ATRN: variants seen among roughly 807,000 people sequenced by gnomAD.
ATRN encodes the protein attractin.
A neutral mutation model predicts 178.7 loss-of-function variants in ATRN; 54 were observed. That is an observed-to-expected ratio of 0.30 (90% CI 0.24 to 0.38). The LOEUF (loss-of-function observed/expected upper bound fraction) is 0.38. Ranked by LOEUF, ATRN falls within the 10% of genes least tolerant of loss-of-function variation. The probability of loss-of-function intolerance (pLI) is 1.00; values close to 1 mark genes in which losing one functional copy is unlikely to be tolerated. For synonymous variants in ATRN, 636 were observed against 663.0 expected (o/e 0.96, Z 0.63); for missense variants, 1,443 against 1,815.1 (o/e 0.79, Z 3.73).
chr20:3,598,818 T>C (rs2086567072), intron 22 of ATRN, among the ~76,000 whole-genome samples: 1 of 152,244 alleles, frequency 6.6e-6, no homozygotes, highest in Non-Finnish European at 1.5e-5. Flanking sequence ...GGAGATTTCT[T>C]ACTTCTCATG....
chr20:3,636,947 G>A (rs1423109502), intron 26 of ATRN, among the ~76,000 whole-genome samples: 1 of 152,204 alleles, frequency 6.6e-6, no homozygotes, highest in Non-Finnish European at 1.5e-5. Context: ...TTAAAACAAT[G>A]TAGTAGAGAT....
In ATRN at chr20:3,649,514, T is replaced by G. The variant is rs907244958; in HGVS notation, c.*2667T>G. The G allele has an allele frequency of 2.6e-5, 4 of 152,254 alleles. No individual in the cohort carries two copies. The highest frequency in any genetic ancestry group is 9.7e-5 in the African/African-American group (4 of 41,448). 9.4% of individuals were successfully genotyped at this position (152,254 alleles called of 1,614,324 possible). A position where few individuals can be genotyped will look rare whatever the true frequency, so the allele number is the denominator to read the frequency against. On this transcript the variant is annotated 3_prime_UTR_variant, in exon 29 of 29. Coordinates refer to ENST00000262919, the MANE Select transcript of ATRN (RefSeq NM_139321.3). ...ATCCCCATTGTGTGATGTGTTCAGA[T>G]GCATCTGGCACCAATTAGGTATTTC...
intron 1 of ATRN, among the ~76,000 whole-genome samples, chr20:3,535,045 A>G (rs555147409): frequency 7.4e-4 from 112 of 152,228 alleles, no homozygotes; most frequent in African/African-American, 2.6e-3. Context: ...AATGTATGCA[A>G]TAAGTATTTG....
intron 1 of ATRN, among the ~76,000 whole-genome samples, chr20:3,505,452 A>G (rs1025045509): frequency 6.6e-5 from 10 of 152,152 alleles, no homozygotes; most frequent in African/African-American, 2.4e-4. Context: ...CTGTCGTGGG[A>G]CTTCTCAGCT....
rs2146196209 is a variant in ATRN, at chr20:3,544,049, T to C, written c.609-1713T>C. Among the ~76,000 whole-genome samples, 3 of 152,280 alleles carry C rather than the reference T, an allele frequency of 2.0e-5. No individual in the cohort carries two copies. In the South Asian group the frequency reaches 6.2e-4, roughly 32 times the overall value. ...TCTAGCTAGACCTTGGGTGAGACCT[T>C]GTCTCAAAACAAAGCAAAACAAAAG... On this transcript the variant is annotated intron_variant, in intron 3 of 28. Coordinates refer to ENST00000262919, the MANE Select transcript of ATRN (RefSeq NM_139321.3).
At chr20:3,537,422 G>C (rs530293632) in intron 2 of ATRN, among the ~76,000 whole-genome samples, 1 of 151,764 alleles carries the variant, frequency 6.6e-6, no homozygotes, top group African/African-American at 2.4e-5. Flanking sequence ...AGTTGCAAAA[G>C]TGGTTTTCAT....
At chr20:3,561,409 G>A (rs2085951503) in intron 8 of ATRN, among the ~76,000 whole-genome samples, 3 of 152,166 alleles carry the variant, frequency 2.0e-5, no homozygotes, top group Admixed American at 2.0e-4. Context: ...ATGCTCCTAT[G>A]TAGTATGTAT....
At chr20:3,621,966 A>G (rs2086900488) in intron 24 of ATRN, among the ~76,000 whole-genome samples, 1 of 152,246 alleles carries the variant, frequency 6.6e-6, no homozygotes, top group African/African-American at 2.4e-5. Flanking sequence ...CAATTAATGT[A>G]TCAGTGGCTG....
In ATRN at chr20:3,578,683, C is replaced by G. The variant is rs1482094519; in HGVS notation, c.2455C>G (p.His819Asp). The G allele has an allele frequency of 1.2e-6, 2 of 1,614,006 alleles. No homozygotes were observed. The highest frequency in any genetic ancestry group is 1.6e-4 in the Middle Eastern group (1 of 6,062). Residue 819 changes from histidine to aspartate, a missense_variant, in exon 15 of 29, where the codon CAC (histidine) becomes GAC (aspartate). Physicochemically the swap from His to Asp is moderately conservative, Grantham distance 81. Around this residue, in one of 4 missense-constraint regions of ATRN, gnomAD observed 212 missense variants for 330.7 expected, o/e 0.64. Coordinates refer to ENST00000262919, the MANE Select transcript of ATRN (RefSeq NM_139321.3). ...YDNAKLFCRN[H>D]NALLASLTTQ... is the part of the protein sequence containing the mutation. ...CAATGCTAAATTGTTCTGTAGGAAC[C>G]ACAATGCCCTTTTGGCTTCTCTTAC...
chr20:3,604,889 A>T (rs1457423910), intron 24 of ATRN, among the ~76,000 whole-genome samples: 2 of 152,130 alleles, frequency 1.3e-5, no homozygotes, highest in Non-Finnish European at 2.9e-5. Context: ...CTCTGTTCCC[A>T]GGGGGCCAGT....
rs2084415343 is a variant in ATRN, at chr20:3,471,257, GCGGCTGCTGTCTCCACCGCTGCGGCCA to G, written c.160_186del (p.Ser54_Leu62del). On this transcript the variant is annotated inframe_deletion, in exon 1 of 29. Coordinates refer to ENST00000262919, the MANE Select transcript of ATRN (RefSeq NM_139321.3). ...GGCTGGGGGCCGGGCTGCGCCTCCC[GCGGCTGCTGTCTCCACCGCTGCGGCCA>G]CGGCTGCTGCTGCTGCTGTTGTTGC... 6.9e-7 allele frequency: 1 copy of G among 1,444,952 alleles called. No homozygotes were observed. Among genetic ancestry groups the G allele is most frequent in the East Asian group, 3.0e-5 (1 of 33,754 alleles). 89.5% of individuals were successfully genotyped at this position (1,444,952 alleles called of 1,614,324 possible).
intron 1 of ATRN, among the ~76,000 whole-genome samples, chr20:3,479,156 G>T (rs1415873305): frequency 1.3e-5 from 2 of 152,068 alleles, no homozygotes; most frequent in Non-Finnish European, 2.9e-5. Context: ...CTCCCAAAGT[G>T]CTGGGATTAC....
intron 2 of ATRN, among the ~76,000 whole-genome samples, chr20:3,537,216 A>C (rs986445691): frequency 4.6e-4 from 70 of 152,348 alleles, no homozygotes; most frequent in Non-Finnish European, 8.7e-4. Context: ...ACTACTTGAA[A>C]GCTTGTATTT....
chr20:3,503,872 G>C (rs1008891912), intron 1 of ATRN, among the ~76,000 whole-genome samples: 1 of 152,126 alleles, frequency 6.6e-6, no homozygotes, highest in African/African-American at 2.4e-5. Context: ...ATGCGAACTT[G>C]GTACAGGATA....
intron 28 of ATRN, 37 bp downstream of exon 28, chr20:3,644,305 G>A: frequency 6.6e-7 from 1 of 1,514,368 alleles, no homozygotes. Context: ...CACCTTCTAA[G>A]CATGTGAGGG....
chr20:3,553,188 A>G lies in ATRN; in HGVS notation c.1112+3850A>G, dbSNP rs548125590. Among the ~76,000 whole-genome samples, 5 of 152,246 alleles carry G rather than the reference A, an allele frequency of 3.3e-5. No individual in the cohort carries two copies. In the East Asian group the frequency reaches 5.8e-4, roughly 18 times the overall value. On this transcript the variant is annotated intron_variant, in intron 6 of 28. Transcript: ENST00000262919. ...GAGAAGAGAAGGTAAAATTAAAGGC[A>G]TGAAAGTGATTGTGCCTTCTGCTGT...
chr20:3,569,046 A>G (rs539582538), intron 11 of ATRN, among the ~76,000 whole-genome samples: 50 of 152,304 alleles, frequency 3.3e-4, no homozygotes, highest in Non-Finnish European at 5.1e-4. Flanking sequence ...GTCAACTCAA[A>G]TTTTTTGCCA....
intron 18 of ATRN, 130 bp downstream of exon 18, chr20:3,585,010 C>A: frequency 1.1e-6 from 1 of 887,620 alleles, no homozygotes; most frequent in Non-Finnish European, 1.7e-6. Flanking sequence ...ATGGTTGGTA[C>A]AAGAAGGAAT....
intron 1 of ATRN, among the ~76,000 whole-genome samples, chr20:3,472,224 T>A (rs576695533): frequency 6.6e-6 from 1 of 152,256 alleles, no homozygotes; most frequent in East Asian, 1.9e-4. Context: ...CTTGGAGAAA[T>A]CAATAAATTA....
Sources: allele counts gnomAD v4.1 joint callset (sites outside exome capture counted in the v4.1 genomes callset), GRCh38; gene constraint gnomAD v4.1.1; regional missense constraint gnomAD v4.1.1; transcripts MANE v1.5; gene names NCBI Gene and HGNC (gene_info 2026-07-23, HGNC 2026-07-21).